EVI5: variants seen among roughly 807,000 people sequenced by gnomAD.
EVI5 encodes ecotropic viral integration site 5.
EVI5 carries 73 observed loss-of-function variants against 112.0 expected under a neutral mutation model. The ratio of observed to expected loss-of-function variants is 0.65; its 90% CI spans 0.54 to 0.79. EVI5 has a LOEUF of 0.79. Among genes scored for constraint, EVI5 ranks in the 30% least tolerant of loss-of-function variants. The pLI is 0.00. For synonymous variants in EVI5, 305 were observed against 319.9 expected, an observed-to-expected ratio of 0.95 and a Z score of 0.50; for missense variants, 900 against 968.8, an observed-to-expected ratio of 0.93 and a Z score of 0.94.
chr1:92,551,617 T>C (rs1405973198), intron 19 of EVI5, among the ~76,000 whole-genome samples: 1 of 152,216 alleles, frequency 6.6e-6, no homozygotes, highest in Non-Finnish European at 1.5e-5. Flanking sequence ...ACTACAGTCA[T>C]GCTAAAAGTT....
chr1:92,718,107 C>A (rs1402884238), intron 2 of EVI5, among the ~76,000 whole-genome samples: 3 of 152,122 alleles, frequency 2.0e-5, no homozygotes, highest in Non-Finnish European at 4.4e-5. Context: ...GACTTTAACA[C>A]CCCACTGTCA....
At chr1:92,714,707 A>T (rs1673348582) in intron 2 of EVI5, among the ~76,000 whole-genome samples, 1 of 152,204 alleles carries the variant, frequency 6.6e-6, no homozygotes, top group Non-Finnish European at 1.5e-5. Context: ...CTTCTGCCTC[A>T]GCCTCCTAGG....
chr1:92,711,597 G>T (rs1672861941), intron 2 of EVI5, among the ~76,000 whole-genome samples: 1 of 152,150 alleles, frequency 6.6e-6, no homozygotes, highest in African/African-American at 2.4e-5. Flanking sequence ...CAAGGCTTCA[G>T]TGAGCCATGA....
chr1:92,526,812 C>A lies in EVI5; in HGVS notation c.2167-12842G>T, dbSNP rs144061998. Among the ~76,000 whole-genome samples, 52 of 152,150 alleles carry A rather than the reference C, an allele frequency of 3.4e-4. 1 individual carries two copies. In the Middle Eastern group the frequency reaches 0.017, roughly 50 times the overall value. ...CACTTGTCAAAACATATAGAATGTA[C>A]AACACAAAGAATGAACCCTAATGTA... On this transcript the variant is annotated intron_variant, in intron 19 of 19. Transcript: ENST00000684568.
At chr1:92,539,871 C>T (rs115004469) in intron 19 of EVI5, among the ~76,000 whole-genome samples, 2,338 of 151,466 alleles carry the variant, frequency 0.015, 29 homozygotes, top group Non-Finnish European at 0.026. Context: ...TAAAACCCCT[C>T]TCTTCCCCTC....
At chr1:92,707,383 GA>G (rs200972828) in intron 2 of EVI5, among the ~76,000 whole-genome samples, 5 of 143,002 alleles carry the variant, frequency 3.5e-5, no homozygotes, top group Middle Eastern at 3.5e-3. Context: ...AGAGTAAGAA[GA>G]AAAAAAAAAG....
chr1:92,565,444 T>A (rs1280862316), intron 18 of EVI5, among the ~76,000 whole-genome samples: 3 of 152,196 alleles, frequency 2.0e-5, no homozygotes, highest in African/African-American at 7.2e-5. Flanking sequence ...TCCAAGTATT[T>A]ACAGGTTTTT....
In EVI5 at chr1:92,686,628, T is replaced by C. The variant is rs1038270522; in HGVS notation, c.1097+7174A>G. ...TTGTCCCTGTTTGCAGATGACATGG[T>C]TGGATATTTAGAAAACCCCATCATC... On this transcript the variant is annotated intron_variant, in intron 9 of 19. Coordinates refer to ENST00000684568, the MANE Select transcript of EVI5 (RefSeq NM_001350197.2). Among the ~76,000 whole-genome samples the C allele has an allele frequency of 1.9e-4, 29 of 152,250 alleles. 1 individual carries two copies. The highest frequency in any genetic ancestry group is 6.5e-5 in the Admixed American group (1 of 15,280).
At chr1:92,741,909 T>TGGAAATGATTC (rs1553262396) in intron 1 of EVI5, among the ~76,000 whole-genome samples, 3 of 152,116 alleles carry the variant, frequency 2.0e-5, no homozygotes, top group African/African-American at 7.2e-5. Flanking sequence ...GACAATGATT[T>TGGAAATGATTC]GGCAATGATT....
intron 9 of EVI5, among the ~76,000 whole-genome samples, chr1:92,679,339 A>C (rs770274392): frequency 6.6e-6 from 1 of 152,224 alleles, no homozygotes; most frequent in Non-Finnish European, 1.5e-5. Context: ...GATAGCCGAC[A>C]GAATTTATTA....
chr1:92,579,816 C>A (rs1024273047), intron 18 of EVI5, among the ~76,000 whole-genome samples: 1 of 152,162 alleles, frequency 6.6e-6, no homozygotes, highest in Admixed American at 6.5e-5. Context: ...CAGGTGTGAG[C>A]CCCCGTGCCC....
At chr1:92,584,095 C>T (rs1334739168) in intron 18 of EVI5, among the ~76,000 whole-genome samples, 1 of 152,040 alleles carries the variant, frequency 6.6e-6, no homozygotes, top group Non-Finnish European at 1.5e-5. Flanking sequence ...AAGCGTAAAG[C>T]TTTCATTTTA....
chr1:92,646,549 C>T (rs1479627741), intron 13 of EVI5, among the ~76,000 whole-genome samples: 1 of 152,166 alleles, frequency 6.6e-6, no homozygotes, highest in Non-Finnish European at 1.5e-5. Flanking sequence ...AAGCTACGAC[C>T]CCTCCAAAAG....
At chr1:92,688,979 C>T (rs1669029527) in intron 9 of EVI5, among the ~76,000 whole-genome samples, 2 of 151,880 alleles carry the variant, frequency 1.3e-5, no homozygotes, top group Non-Finnish European at 2.9e-5. Context: ...CAACCCAGAT[C>T]ATAAACAACT....
At chr1:92,647,160 G>A (rs115593354) in intron 13 of EVI5, 3,567 of 161,632 alleles carry the variant, frequency 0.022, 123 homozygotes, top group African/African-American at 0.071. Flanking sequence ...CAGACTTGCC[G>A]TTAGACTTAA....
At chr1:92,688,194 T>A (rs7539761) in intron 9 of EVI5, among the ~76,000 whole-genome samples, 87,352 of 151,888 alleles carry the variant, frequency 0.58, 26,930 homozygotes, top group East Asian at 0.92. Flanking sequence ...CATGGAATAC[T>A]ATGCATCCAT....
chr1:92,714,299 T>C (rs1313017756), intron 2 of EVI5: 12 of 220,304 alleles, frequency 5.4e-5, no homozygotes, highest in Non-Finnish European at 9.2e-5. Context: ...ATGTTATTTT[T>C]ATACTTTCTG....
chr1:92,775,859 A>T (rs1037405966), intron 1 of EVI5, among the ~76,000 whole-genome samples: 4 of 152,192 alleles, frequency 2.6e-5, no homozygotes, highest in African/African-American at 9.7e-5. Flanking sequence ...CTGTAATCCC[A>T]GCACTTTGGG....
intron 18 of EVI5, among the ~76,000 whole-genome samples, 154 bp from the exon 19 acceptor site, chr1:92,563,891 T>C (rs889850939): frequency 6.6e-6 from 1 of 152,136 alleles, no homozygotes; most frequent in African/African-American, 2.4e-5. Context: ...GACAAACAAT[T>C]CATAATGAAC....
Sources: allele counts gnomAD v4.1 joint callset (sites outside exome capture counted in the v4.1 genomes callset), GRCh38; gene constraint gnomAD v4.1.1; transcripts MANE v1.5; gene names NCBI Gene and HGNC (gene_info 2026-07-23, HGNC 2026-07-21).